PDHX: variants seen among roughly 807,000 people sequenced by gnomAD.
PDHX encodes pyruvate dehydrogenase protein X component, mitochondrial.
A neutral mutation model predicts 55.3 loss-of-function variants in PDHX; 33 were observed. That is an observed-to-expected ratio of 0.60 (90% confidence interval 0.45 to 0.80). The LOEUF is 0.80. Among genes scored for constraint, PDHX ranks in the 30% least tolerant of loss-of-function variants. The probability of loss-of-function intolerance (pLI) is 0.00; values close to 1 mark genes in which losing one functional copy is unlikely to be tolerated. For synonymous variants in PDHX, 226 were observed against 219.4 expected (o/e 1.03, Z -0.27); for missense variants, 622 against 619.9 (o/e 1.00, Z -0.04).
intron 8 of PDHX, among the ~76,000 whole-genome samples, chr11:34,982,196 T>A (rs990972276): frequency 3.9e-5 from 6 of 152,170 alleles, no homozygotes; most frequent in East Asian, 3.9e-4. Context: ...TAAGGAAGAG[T>A]TCCAGTTTCA....
intron 7 of PDHX, chr11:34,977,799 C>G (rs974497209): frequency 2.1e-6 from 1 of 466,912 alleles, no homozygotes; most frequent in African/African-American, 2.0e-5. Flanking sequence ...TTGTCTTTTT[C>G]GAGACATAGG....
intron 9 of PDHX, among the ~76,000 whole-genome samples, chr11:34,990,273 G>T (rs187950159): frequency 6.6e-6 from 1 of 152,178 alleles, no homozygotes; most frequent in East Asian, 1.9e-4. Context: ...ATATTTAGTG[G>T]TCATTTTTTA....
intron 9 of PDHX, among the ~76,000 whole-genome samples, chr11:34,990,364 A>G (rs1470000164): frequency 6.6e-6 from 1 of 152,214 alleles, no homozygotes; most frequent in East Asian, 1.9e-4. Context: ...ATGATTACAA[A>G]TTTATAAAAC....
intron 8 of PDHX, among the ~76,000 whole-genome samples, chr11:34,982,262 G>A (rs535264675): frequency 5.9e-5 from 9 of 152,126 alleles, no homozygotes; most frequent in East Asian, 1.9e-4. Context: ...ATAGGGAATC[G>A]TTTCCCCATT....
At chr11:34,988,643 T>C (rs891692304) in intron 9 of PDHX, among the ~76,000 whole-genome samples, 2 of 151,982 alleles carry the variant, frequency 1.3e-5, no homozygotes, top group Non-Finnish European at 2.9e-5. Flanking sequence ...TCAACAGTTA[T>C]ACCAAATGCA....
chr11:34,985,864 AT>A (rs1564932833), intron 9 of PDHX, among the ~76,000 whole-genome samples: 2 of 152,258 alleles, frequency 1.3e-5, no homozygotes, highest in African/African-American at 4.8e-5. Flanking sequence ...TTTTAAAAGC[AT>A]ACCCATAAAT....
At chr11:34,916,186 T>C, upstream of PDHX, 1 of 1,594,410 alleles carries the variant, frequency 6.3e-7, no homozygotes, top group Non-Finnish European at 8.5e-7. Flanking sequence ...CGCCTGGGCC[T>C]CTCCTCCTGG....
At chr11:34,962,468 GT>G (rs1000910949) in intron 5 of PDHX, among the ~76,000 whole-genome samples, 1 of 152,204 alleles carries the variant, frequency 6.6e-6, no homozygotes, top group Non-Finnish European at 1.5e-5. Flanking sequence ...GGAAGCATTT[GT>G]TTTGGTGGAG....
intron 3 of PDHX, among the ~76,000 whole-genome samples, chr11:34,952,090 A>G (rs1854787358): frequency 6.6e-6 from 1 of 152,238 alleles, no homozygotes; most frequent in East Asian, 1.9e-4. Context: ...TAGAAAATCT[A>G]GAAGAAATGG....
intron 2 of PDHX, among the ~76,000 whole-genome samples, chr11:34,933,514 G>A (rs1854227013): frequency 6.6e-6 from 1 of 152,222 alleles, no homozygotes; most frequent in African/African-American, 2.4e-5. Flanking sequence ...GACTTTTAGT[G>A]TAGTTTAAAG....
intron 9 of PDHX, among the ~76,000 whole-genome samples, chr11:34,988,253 A>G (rs1590772385): frequency 6.6e-6 from 1 of 152,206 alleles, no homozygotes; most frequent in Non-Finnish European, 1.5e-5. Context: ...AGCAGCGGGC[A>G]TACTTTGTAC....
At chr11:34,982,549 G>T (rs1855540711) in intron 8 of PDHX, among the ~76,000 whole-genome samples, 1 of 151,946 alleles carries the variant, frequency 6.6e-6, no homozygotes, top group Admixed American at 6.6e-5. Context: ...GAAGAAAAGA[G>T]AGAAGAATCA....
chr11:34,961,033 A>T (rs561737316), intron 5 of PDHX, among the ~76,000 whole-genome samples: 2 of 152,258 alleles, frequency 1.3e-5, no homozygotes, highest in African/African-American at 4.8e-5. Flanking sequence ...TTTAATTAGA[A>T]ATGTTTTATT....
chr11:34,920,683 C>T (rs1247163235), intron 1 of PDHX, among the ~76,000 whole-genome samples: 1 of 152,128 alleles, frequency 6.6e-6, no homozygotes, highest in Non-Finnish European at 1.5e-5. Flanking sequence ...ATGCCGCCTA[C>T]TCTGTATTAC....
intron 5 of PDHX, among the ~76,000 whole-genome samples, chr11:34,963,735 T>C (rs752802896): frequency 1.1e-4 from 16 of 152,228 alleles, no homozygotes; most frequent in Non-Finnish European, 2.1e-4. Context: ...TAATTTTGCC[T>C]TAAAACAAGC....
chr11:34,966,798 G>C lies in PDHX; in HGVS notation c.800G>C (p.Gly267Ala), dbSNP rs767272326. Reference sequence around the variant, plus strand: ...GTGATCCCACCAGTATCAACTCCTGGACAACCCAATGCAGTGGTAGTGTTC... The same window carrying C: ...GTGATCCCACCAGTATCAACTCCTGCACAACCCAATGCAGTGGTAGTGTTC... ...RPVIPPVSTP[G>A]QPNAVGTFTE... The change falls in exon 6 of 11, where the codon GGA becomes GCA. Residue 267 changes from glycine (G) to alanine (A), a missense_variant. Physicochemically the swap from Gly to Ala is moderately conservative, Grantham distance 60. Transcript: ENST00000227868. 1 of 1,613,642 alleles carries C rather than the reference G, an allele frequency of 6.2e-7. No individual in the cohort carries two copies. Among genetic ancestry groups the C allele is most frequent in the Admixed American group, 1.7e-5 (1 of 59,988 alleles).
intron 7 of PDHX, among the ~76,000 whole-genome samples, chr11:34,972,072 CT>C (rs1855268797): frequency 6.6e-6 from 1 of 151,736 alleles, no homozygotes; most frequent in African/African-American, 2.4e-5. Flanking sequence ...AGTAATGTTT[CT>C]GTTTTTGACA....
upstream of PDHX, chr11:34,916,350 G>C (rs762615901): frequency 6.3e-7 from 1 of 1,590,592 alleles, no homozygotes; most frequent in Non-Finnish European, 8.6e-7. Flanking sequence ...GCTTAGCCTG[G>C]GATACGGCAG....
At chr11:34,984,444 A>C (rs966027924) in intron 8 of PDHX, 126 bp from the exon 9 acceptor site, 3 of 788,246 alleles carry the variant, frequency 3.8e-6, no homozygotes, top group Middle Eastern at 3.4e-4. Flanking sequence ...TTTCAAACGA[A>C]ATTTTTATTT....
Sources: allele counts gnomAD v4.1 joint callset (sites outside exome capture counted in the v4.1 genomes callset), GRCh38; gene constraint gnomAD v4.1.1; transcripts MANE v1.5; gene names NCBI Gene and HGNC (gene_info 2026-07-23, HGNC 2026-07-21).